CEP83: variants seen among roughly 807,000 people sequenced by gnomAD.
CEP83 encodes centrosomal protein 83.
In CEP83, 70 loss-of-function variants were observed where a neutral mutation model predicts 101.9. The observed-to-expected ratio is 0.69, with a 90% CI of 0.57 to 0.84. The LOEUF is 0.84. CEP83 is among the 40% of genes least tolerant of loss of function. The probability of loss-of-function intolerance (pLI) is 0.00; values close to 1 mark genes in which losing one functional copy is unlikely to be tolerated. For missense variants in CEP83, 715 were observed against 787.2 expected, an observed-to-expected ratio of 0.91 and a Z score of 1.10; for synonymous variants, 264 against 267.9, an observed-to-expected ratio of 0.99 and a Z score of 0.14.
chr12:94,339,715 T>G (rs2059599735), intron 11 of CEP83, among the ~76,000 whole-genome samples: 1 of 152,218 alleles, frequency 6.6e-6, no homozygotes, highest in African/African-American at 2.4e-5. Flanking sequence ...GGCAGTAGCC[T>G]TCTTATACCA....
At chr12:94,277,922 C>T in the CEP83 span, 1 of 455,980 alleles carries the variant, frequency 2.2e-6, no homozygotes, top group Non-Finnish European at 4.4e-6. Flanking sequence ...CTGAGGGTTC[C>T]CATCTTCCAT....
At chr12:94,427,292 C>G (rs370135358) in intron 2 of CEP83, among the ~76,000 whole-genome samples, 14 of 152,250 alleles carry the variant, frequency 9.2e-5, no homozygotes, top group African/African-American at 3.4e-4. Flanking sequence ...AAGTAAAGTA[C>G]AGAGTTCAAA....
chr12:94,289,341 T>C, the CEP83 span, among the ~76,000 whole-genome samples: 1 of 152,138 alleles, frequency 6.6e-6, no homozygotes, highest in Non-Finnish European at 1.5e-5. Flanking sequence ...TTCCCCTCCA[T>C]TGATGATTGG....
chr12:94,445,380 C>T (rs991030423), intron 1 of CEP83, among the ~76,000 whole-genome samples: 3 of 151,806 alleles, frequency 2.0e-5, no homozygotes, highest in African/African-American at 4.8e-5. Context: ...AACTATAAAC[C>T]TCCTAAAAAA....
At chr12:94,343,328 T>G (rs926178389) in intron 11 of CEP83, among the ~76,000 whole-genome samples, 2 of 151,708 alleles carry the variant, frequency 1.3e-5, no homozygotes, top group South Asian at 2.1e-4. Context: ...CGCCTTAAAT[T>G]TTTTGCACCC....
At chr12:94,298,008 T>C in the CEP83 span, among the ~76,000 whole-genome samples, 1 of 149,682 alleles carries the variant, frequency 6.7e-6, no homozygotes, top group African/African-American at 2.5e-5. Context: ...ATGAGCACTA[T>C]AAATGCTATG....
At chr12:94,274,722 C>A in the CEP83 span, among the ~76,000 whole-genome samples, 1 of 152,186 alleles carries the variant, frequency 6.6e-6, no homozygotes, top group African/African-American at 2.4e-5. Flanking sequence ...CTTGTACTTC[C>A]AAAGGCAGGA....
the CEP83 span, among the ~76,000 whole-genome samples, chr12:94,292,179 C>G: frequency 6.6e-6 from 1 of 152,162 alleles, no homozygotes; most frequent in East Asian, 1.9e-4. Context: ...TACTGACCCT[C>G]AAAATCTAGA....
chr12:94,297,044 A>G, the CEP83 span: 3 of 723,424 alleles, frequency 4.1e-6, no homozygotes, highest in Admixed American at 2.3e-5. Flanking sequence ...AGCAGGGGGA[A>G]AAATGTAGCT....
rs202103189 is a variant in CEP83 at position 94,376,440 on chromosome 12, T to TA, written c.802-424dup. Among the ~76,000 whole-genome samples the TA allele has an allele frequency of 5.9e-4, 89 of 150,442 alleles. No homozygotes were observed. In the East Asian group the frequency reaches 0.015, roughly 26 times the overall value. On this transcript the variant is annotated intron_variant, in intron 7 of 16. Coordinates refer to ENST00000397809, the MANE Select transcript of CEP83 (RefSeq NM_016122.3). ...TAGTAACAAGTAAAAATTGAAAATC[T>TA]AAAATCAATGATTTTAAAAAAAGAA...
the CEP83 span, chr12:94,282,443 A>C: frequency 7.9e-7 from 1 of 1,266,802 alleles, no homozygotes; most frequent in South Asian, 1.2e-5. Context: ...CCTCATCCCC[A>C]ATCCTAGTCC....
intron 11 of CEP83, among the ~76,000 whole-genome samples, chr12:94,345,232 C>CA (rs970040233): frequency 6.6e-6 from 1 of 152,000 alleles, no homozygotes; most frequent in African/African-American, 2.4e-5. Flanking sequence ...GAAGAGAACA[C>CA]AAAAAATACA....
chr12:94,351,094 T>A (rs1045083116), intron 11 of CEP83, among the ~76,000 whole-genome samples: 4 of 152,102 alleles, frequency 2.6e-5, no homozygotes, highest in African/African-American at 9.7e-5. Context: ...AAAAATCCAC[T>A]TAATCATGGA....
intron 11 of CEP83, chr12:94,361,606 GA>G (rs1307893228): frequency 3.3e-5 from 5 of 152,066 alleles, no homozygotes; most frequent in African/African-American, 1.2e-4. Flanking sequence ...ATAGATAAAT[GA>G]GATCGTATCA....
At chr12:94,297,170 C>A in the CEP83 span, 1 of 1,613,286 alleles carries the variant, frequency 6.2e-7, no homozygotes, top group Non-Finnish European at 8.5e-7. Context: ...CTTTCTCTCC[C>A]TCTTTCTCTG....
Position 94,316,286 on chromosome 12 carries a change from T to C in CEP83, c.1708-3269A>G, listed in dbSNP as rs867838571. Among the ~76,000 whole-genome samples the C allele has an allele frequency of 7.9e-5, 12 of 152,306 alleles. 1 individual carries two copies. The highest frequency in any genetic ancestry group is 6.8e-3 in the Middle Eastern group (2 of 294). The stretch of plus-strand genomic sequence containing the variant: ...GGCATTTAAATATTTTCTAATTGTG[T>C]GTGTAAAGAAAAATAACTAGTATTT... On this transcript the variant is annotated intron_variant, in intron 14 of 16. Coordinates refer to ENST00000397809, the MANE Select transcript of CEP83 (RefSeq NM_016122.3).
chr12:94,356,542 A>C (rs2060485514), intron 11 of CEP83, among the ~76,000 whole-genome samples: 1 of 152,224 alleles, frequency 6.6e-6, no homozygotes, highest in Non-Finnish European at 1.5e-5. Context: ...AAGCTAGACA[A>C]GAGGGTGATT....
chr12:94,341,801 G>C (rs1593265087), intron 11 of CEP83, among the ~76,000 whole-genome samples: 1 of 152,162 alleles, frequency 6.6e-6, no homozygotes, highest in Admixed American at 6.5e-5. Flanking sequence ...TAAGGGTCAA[G>C]TTCATTATTG....
chr12:94,354,641 A>G (rs546509844), intron 11 of CEP83, among the ~76,000 whole-genome samples: 38 of 152,288 alleles, frequency 2.5e-4, no homozygotes, highest in African/African-American at 8.9e-4. Context: ...AACAAGAAGA[A>G]CTCTGAAAGG....
Sources: gnomAD v4.1 joint callset for allele counts (sites outside exome capture counted in the v4.1 genomes callset) on GRCh38, gnomAD v4.1.1 for gene constraint, MANE v1.5 for transcripts, NCBI Gene and HGNC (gene_info 2026-07-23, HGNC 2026-07-21) for gene names.